Variants in GPR158 observed in about 807,000 individuals in gnomAD.
GPR158 encodes G protein-coupled receptor 158.
In GPR158, 30 loss-of-function variants were observed where a neutral mutation model predicts 78.2. The ratio of observed to expected loss-of-function variants is 0.38; its 90% CI spans 0.29 to 0.52. The LOEUF is 0.52. GPR158 is among the 20% of genes least tolerant of loss of function. The pLI, the probability that GPR158 is intolerant of heterozygous loss-of-function variation, is 0.83. For synonymous variants in GPR158, 581 were observed against 591.1 expected (o/e 0.98, Z 0.25); for missense variants, 1,463 against 1,523.5 (o/e 0.96, Z 0.66).
chr10:25,219,656 G>A (rs1853270699), intron 1 of GPR158, among the ~76,000 whole-genome samples: 2 of 152,174 alleles, frequency 1.3e-5, no homozygotes, highest in Non-Finnish European at 2.9e-5. Flanking sequence ...ACTAGGTAAT[G>A]TAGTACTTTT....
chr10:25,352,231 G>A (rs113752493), intron 2 of GPR158, among the ~76,000 whole-genome samples: 1 of 152,078 alleles, frequency 6.6e-6, no homozygotes, highest in East Asian at 1.9e-4. Flanking sequence ...AGTGAAACCC[G>A]TAGTGATAAA....
intron 1 of GPR158, among the ~76,000 whole-genome samples, chr10:25,189,383 C>A (rs558269993): frequency 1.5e-4 from 23 of 152,216 alleles, no homozygotes; most frequent in African/African-American, 5.5e-4. Context: ...TGGAACCAAC[C>A]CAAAAATGTC....
intron 5 of GPR158, among the ~76,000 whole-genome samples, chr10:25,530,314 G>A (rs1167840885): frequency 6.6e-6 from 1 of 152,178 alleles, no homozygotes; most frequent in Non-Finnish European, 1.5e-5. Flanking sequence ...CCAAGAAGGC[G>A]GTAGTCACTC....
At chr10:25,566,267 T>C (rs1011148665) in intron 6 of GPR158, among the ~76,000 whole-genome samples, 2 of 152,198 alleles carry the variant, frequency 1.3e-5, no homozygotes, top group African/African-American at 4.8e-5. Flanking sequence ...AAATTTTCTC[T>C]GTTTATAGCT....
Position 25,529,590 on chromosome 10 carries a change from A to T in GPR158, c.1405-21386A>T, listed in dbSNP as rs528002431. On this transcript the variant is annotated intron_variant, in intron 5 of 10. Transcript: ENST00000376351. ...TTGTGCTTCATTATTTTACTCTCAGATACAAGTACAAGATAAAAGCGCAAT... is the reference window on the plus strand; with the variant it reads ...TTGTGCTTCATTATTTTACTCTCAGTTACAAGTACAAGATAAAAGCGCAAT... 3.3e-5 allele frequency among the ~76,000 whole-genome samples: 5 copies of T among 152,292 alleles called. 1 individual carries two copies. In the South Asian group the frequency reaches 6.2e-4, roughly 19 times the overall value.
intron 5 of GPR158, among the ~76,000 whole-genome samples, chr10:25,536,990 C>G: frequency 6.6e-6 from 1 of 152,334 alleles, no homozygotes; most frequent in Admixed American, 6.5e-5. Context: ...CCTTTTATGG[C>G]AGAGTCCTAA....
At chr10:25,314,804 A>T (rs1854821603) in intron 2 of GPR158, among the ~76,000 whole-genome samples, 1 of 136,300 alleles carries the variant, frequency 7.3e-6, no homozygotes, top group Non-Finnish European at 1.5e-5. Flanking sequence ...CACAGTGCAC[A>T]GTAAAGGGGA....
chr10:25,476,502 C>G (rs1482424428), intron 5 of GPR158, among the ~76,000 whole-genome samples: 1 of 135,736 alleles, frequency 7.4e-6, no homozygotes, highest in Admixed American at 7.6e-5. Flanking sequence ...GTTGTTCCTC[C>G]CTACCCCGGT....
intron 2 of GPR158, among the ~76,000 whole-genome samples, chr10:25,358,766 C>T (rs1196586711): frequency 6.6e-6 from 1 of 151,984 alleles, no homozygotes; most frequent in Non-Finnish European, 1.5e-5. Flanking sequence ...TTTGTGAACT[C>T]CCAGATTTTT....
chr10:25,229,022 G>A (rs1853413694), intron 2 of GPR158, among the ~76,000 whole-genome samples: 2 of 142,714 alleles, frequency 1.4e-5, no homozygotes, highest in Admixed American at 7.1e-5. Flanking sequence ...GTGACAGAGC[G>A]AGACTCAATG....
At chr10:25,197,294 T>C (rs1004925917) in intron 1 of GPR158, among the ~76,000 whole-genome samples, 1 of 152,184 alleles carries the variant, frequency 6.6e-6, no homozygotes, top group Non-Finnish European at 1.5e-5. Context: ...TTCTTACTAT[T>C]ATTTAGGGAG....
intron 5 of GPR158, among the ~76,000 whole-genome samples, chr10:25,525,335 G>T (rs566881299): frequency 6.6e-6 from 1 of 152,120 alleles, no homozygotes; most frequent in Non-Finnish European, 1.5e-5. Flanking sequence ...ATGAATCTTC[G>T]TAGCTACATA....
chr10:25,302,154 C>T, intron 2 of GPR158, among the ~76,000 whole-genome samples: 1 of 99,806 alleles, frequency 1.0e-5, no homozygotes, highest in South Asian at 3.2e-4. Context: ...TCACTGCAAG[C>T]TCCGCCTCCC....
chr10:25,266,215 T>C (rs868743240), intron 2 of GPR158, among the ~76,000 whole-genome samples: 50 of 152,350 alleles, frequency 3.3e-4, no homozygotes, highest in African/African-American at 1.2e-3. Context: ...GGTTTCTTTC[T>C]TTCAGAGAAG....
chr10:25,422,358 A>G (rs995572477), intron 4 of GPR158, among the ~76,000 whole-genome samples: 2 of 152,144 alleles, frequency 1.3e-5, no homozygotes. Context: ...TTAGATTCTC[A>G]TAGGGGCACA....
intron 2 of GPR158, among the ~76,000 whole-genome samples, chr10:25,252,651 T>A (rs1853824110): frequency 6.6e-6 from 1 of 152,180 alleles, no homozygotes; most frequent in South Asian, 2.1e-4. Flanking sequence ...GGGACCCACT[T>A]GAAGAGGCAG....
chr10:25,459,147 C>T (rs1190597428), intron 4 of GPR158, among the ~76,000 whole-genome samples: 1 of 151,976 alleles, frequency 6.6e-6, no homozygotes, highest in Non-Finnish European at 1.5e-5. Context: ...ATCTTTTTTT[C>T]CAATCCATAT....
At chr10:25,329,453 G>A (rs1024867941) in intron 2 of GPR158, among the ~76,000 whole-genome samples, 1 of 149,552 alleles carries the variant, frequency 6.7e-6, no homozygotes, top group East Asian at 2.0e-4. Flanking sequence ...AAAAAAAAAA[G>A]AAGATGCATT....
chr10:25,339,756 T>C (rs1564426727), intron 2 of GPR158, among the ~76,000 whole-genome samples: 1 of 152,102 alleles, frequency 6.6e-6, no homozygotes, highest in Non-Finnish European at 1.5e-5. Flanking sequence ...GATGCACTGC[T>C]AGGATGATCA....
Sources: gnomAD v4.1 joint callset for allele counts (sites outside exome capture counted in the v4.1 genomes callset) on GRCh38, gnomAD v4.1.1 for gene constraint, MANE v1.5 for transcripts, NCBI Gene and HGNC (gene_info 2026-07-23, HGNC 2026-07-21) for gene names.